The following VTI1A variants were observed in gnomAD, a reference collection of about 807,000 sequenced individuals.
VTI1A encodes vesicle transport through interaction with t-SNAREs 1A.
Under a neutral mutation model 34.9 loss-of-function variants are expected in VTI1A, and 22 were observed. The observed-to-expected ratio is 0.63, with a 90% CI of 0.45 to 0.90. The LOEUF is 0.90. VTI1A is among the 40% of genes least tolerant of loss of function. The pLI, the probability that VTI1A is intolerant of heterozygous loss-of-function variation, is 0.00. For synonymous variants in VTI1A, 87 were observed against 97.3 expected (o/e 0.89, Z 0.62); for missense variants, 268 against 275.6 (o/e 0.97, Z 0.20).
At chr10:112,576,350 C>A (rs905589732) in intron 5 of VTI1A, among the ~76,000 whole-genome samples, 1 of 152,230 alleles carries the variant, frequency 6.6e-6, no homozygotes, top group African/African-American at 2.4e-5. Context: ...CCAGACCTAA[C>A]ATGTTCAAAA....
rs1847721472 is a variant in VTI1A at position 112,668,338 on chromosome 10, A to G, written c.498+50A>G. ...TCACATATTCAGTAAATGAAGACAT[A>G]AATGAAAGGCATTGGGACATAAACA... On this transcript the variant is annotated intron_variant, in intron 6 of 7. Transcript: ENST00000393077. 3 of 1,574,156 alleles carry G rather than the reference A, an allele frequency of 1.9e-6. No homozygotes were observed. In the South Asian group the frequency reaches 3.4e-5, roughly 18 times the overall value.
intron 7 of VTI1A, among the ~76,000 whole-genome samples, chr10:112,748,624 T>A (rs1850990814): frequency 7.3e-6 from 1 of 137,188 alleles, no homozygotes; most frequent in Admixed American, 7.2e-5. Context: ...AGAAACCTTT[T>A]TTTTTTTTTT....
At chr10:112,635,390 C>T (rs1258666526) in intron 5 of VTI1A, among the ~76,000 whole-genome samples, 1 of 152,064 alleles carries the variant, frequency 6.6e-6, no homozygotes, top group African/African-American at 2.4e-5. Context: ...AGACAGGGAA[C>T]CGCAAGGGTC....
intron 5 of VTI1A, among the ~76,000 whole-genome samples, chr10:112,654,823 T>G (rs551083963): frequency 7.2e-5 from 11 of 152,338 alleles, no homozygotes; most frequent in Admixed American, 2.0e-4. Context: ...CTAGTTCCCT[T>G]GTCTTGAGTT....
At chr10:112,753,793 G>T (rs1268088606) in intron 7 of VTI1A, among the ~76,000 whole-genome samples, 2 of 152,092 alleles carry the variant, frequency 1.3e-5, no homozygotes, top group Non-Finnish European at 2.9e-5. Flanking sequence ...CTCACGGTTG[G>T]GAAAGCCTCA....
chr10:112,470,372 C>T lies in VTI1A; in HGVS notation c.264+5715C>T, dbSNP rs148602357. Among the ~76,000 whole-genome samples the T allele has an allele frequency of 6.8e-3, 1,034 of 152,236 alleles. 47 individuals carry two copies. Among genetic ancestry groups the T allele is most frequent in the Admixed American group, 0.061 (928 of 15,286 alleles). On this transcript the variant is annotated intron_variant, in intron 3 of 7. Coordinates refer to ENST00000393077, the MANE Select transcript of VTI1A (RefSeq NM_145206.4). ...ATTGTGTGCGTAAGTACAGGGGCCA[C>T]ACGCAAAGTAAGAGACTCAAAGTAG...
At chr10:112,537,315 A>ATATATATATATATATATATATG in intron 4 of VTI1A, among the ~76,000 whole-genome samples, 1 of 86,150 alleles carries the variant, frequency 1.2e-5, no homozygotes, top group Non-Finnish European at 2.3e-5. Context: ...ATCTAGGTAT[A>ATATATATATATATATATATATG]TATATATATA....
chr10:112,548,314 T>C (rs768963289), intron 5 of VTI1A, among the ~76,000 whole-genome samples: 1 of 152,204 alleles, frequency 6.6e-6, no homozygotes, highest in African/African-American at 2.4e-5. Flanking sequence ...ACTTTTTTTT[T>C]CTCATTAAAT....
chr10:112,751,608 GT>G (rs1407008200), intron 7 of VTI1A, among the ~76,000 whole-genome samples: 1 of 151,766 alleles, frequency 6.6e-6, no homozygotes, highest in Non-Finnish European at 1.5e-5. Flanking sequence ...AAAATGTGTA[GT>G]TTCTTTGGAG....
chr10:112,830,849 A>ATATATATATATATATATATTTTTT, the VTI1A span, among the ~76,000 whole-genome samples: 6 of 33,490 alleles, frequency 1.8e-4, no homozygotes, highest in African/African-American at 2.9e-4. Flanking sequence ...ATATATATAT[A>ATATATATATATATATATATTTTTT]TTTTTTTTTT....
chr10:112,658,631 C>T (rs1366825236), intron 5 of VTI1A, among the ~76,000 whole-genome samples: 1 of 151,936 alleles, frequency 6.6e-6, no homozygotes, highest in Non-Finnish European at 1.5e-5. Context: ...AGCAAAGAGT[C>T]ACAAACATCT....
In VTI1A at chr10:112,612,122, A is replaced by C. The variant is rs549627974; in HGVS notation, c.428-56096A>C. Among the ~76,000 whole-genome samples the C allele has an allele frequency of 7.9e-5, 12 of 152,262 alleles. No homozygotes were observed. In the East Asian group the frequency reaches 2.3e-3, roughly 29 times the overall value. On this transcript the variant is annotated intron_variant, in intron 5 of 7. Transcript: ENST00000393077. ...AAATTCTTTTAAAAATAAAAAAGCC[A>C]TTTTATCGTAAGTTTGAAAACTGAG...
intron 7 of VTI1A, among the ~76,000 whole-genome samples, chr10:112,784,021 G>A (rs61872411): frequency 2.0e-4 from 31 of 152,350 alleles, no homozygotes; most frequent in Non-Finnish European, 4.3e-4. Flanking sequence ...ATGGGGTGAG[G>A]ACAAGGAAAA....
intron 5 of VTI1A, among the ~76,000 whole-genome samples, chr10:112,614,644 A>G (rs1845451187): frequency 6.6e-6 from 1 of 152,222 alleles, no homozygotes; most frequent in African/African-American, 2.4e-5. Context: ...ACAGGTAGAC[A>G]CTGAGACAGT....
chr10:112,629,157 G>A (rs989011762), intron 5 of VTI1A, among the ~76,000 whole-genome samples: 2 of 152,228 alleles, frequency 1.3e-5, no homozygotes, highest in South Asian at 2.1e-4. Flanking sequence ...ACACTCAGAG[G>A]CCTCAGACAC....
chr10:112,675,225 G>T (rs117047493), intron 7 of VTI1A, among the ~76,000 whole-genome samples: 1 of 152,072 alleles, frequency 6.6e-6, no homozygotes, highest in Non-Finnish European at 1.5e-5. Context: ...TTTGTTATAC[G>T]TTATCTTCTT....
intron 5 of VTI1A, among the ~76,000 whole-genome samples, chr10:112,622,455 TAA>T (rs530312462): frequency 3.5e-5 from 4 of 114,226 alleles, no homozygotes; most frequent in Non-Finnish European, 3.8e-5. Context: ...AAAAAGTACC[TAA>T]AAAAAAAAAA....
chr10:112,711,078 A>G (rs1236845937), intron 7 of VTI1A, among the ~76,000 whole-genome samples: 1 of 152,336 alleles, frequency 6.6e-6, no homozygotes, highest in Middle Eastern at 3.4e-3. Context: ...CTCTTTGAGC[A>G]CACCTAGTTA....
intron 5 of VTI1A, among the ~76,000 whole-genome samples, chr10:112,557,014 C>T (rs1851564521): frequency 2.0e-5 from 3 of 151,922 alleles, no homozygotes; most frequent in Non-Finnish European, 2.9e-5. Context: ...ATATTGTTGA[C>T]CGTTACTGAT....
Sources: gnomAD v4.1 joint callset for allele counts (sites outside exome capture counted in the v4.1 genomes callset) on GRCh38, gnomAD v4.1.1 for gene constraint, MANE v1.5 for transcripts, NCBI Gene and HGNC (gene_info 2026-07-23, HGNC 2026-07-21) for gene names.